Variants in CFDP1 observed in about 807,000 individuals in gnomAD.
CFDP1 encodes heterochromatin-stabilizing protein CFDP1.
In CFDP1, 31 loss-of-function variants were observed where a neutral mutation model predicts 40.1. The observed-to-expected ratio is 0.77, with a 90% confidence interval of 0.58 to 1.04. The LOEUF is 1.04. Among genes scored for constraint, CFDP1 ranks in the 50% least tolerant of loss-of-function variants. The probability of loss-of-function intolerance (pLI) is 0.00; values close to 1 mark genes in which losing one functional copy is unlikely to be tolerated. For synonymous variants in CFDP1, 167 were observed against 120.0 expected, an observed-to-expected ratio of 1.39 and a Z score of -2.56; for missense variants, 423 against 343.4, an observed-to-expected ratio of 1.23 and a Z score of -1.83.
intron 5 of CFDP1, among the ~76,000 whole-genome samples, chr16:75,307,475 C>G (rs988525687): frequency 2.0e-5 from 3 of 152,168 alleles, no homozygotes; most frequent in African/African-American, 4.8e-5. Context: ...CCTCGGCCCC[C>G]CAAAGTGCTG....
intron 5 of CFDP1, among the ~76,000 whole-genome samples, chr16:75,309,090 C>T (rs1318350295): frequency 1.3e-5 from 2 of 152,130 alleles, no homozygotes; most frequent in Non-Finnish European, 2.9e-5. Context: ...TAGCAGCAGC[C>T]AGAACACACA....
At position 75,412,697 on chromosome 16, in the gene CFDP1, T is replaced by C; in HGVS notation, c.240A>G (p.Ser80=). The part of the protein sequence containing the change: ...LEEEEEEDAN[S]ESEGSSSEEE... The stretch of plus-strand genomic sequence containing the variant: ...CCTCACTACTGCTTCCCTCAGATTC[T>C]GAATTGGCATCCTCCTCTTCCTCTT... Residue 80 remains serine, a synonymous_variant, in exon 3 of 7, where the codon TCA becomes TCG. Coordinates refer to ENST00000283882, the MANE Select transcript of CFDP1 (RefSeq NM_006324.3). 2.5e-6 allele frequency: 4 copies of C among 1,614,140 alleles called. No homozygotes were observed. The highest frequency in any genetic ancestry group is 3.4e-6 in the Non-Finnish European group (4 of 1,180,044).
At chr16:75,423,134 A>G (rs187548915) in intron 1 of CFDP1, among the ~76,000 whole-genome samples, 1,878 of 152,004 alleles carry the variant, frequency 0.012, 34 homozygotes, top group African/African-American at 0.043. Context: ...CAAAAAAATT[A>G]GCCGGGCCTT....
At chr16:75,332,413 A>G (rs958231706) in intron 5 of CFDP1, among the ~76,000 whole-genome samples, 1 of 152,058 alleles carries the variant, frequency 6.6e-6, no homozygotes, top group South Asian at 2.1e-4. Context: ...TGCAGTGAGC[A>G]GAGATTGTGC....
chr16:75,349,307 C>G (rs1165666045), intron 5 of CFDP1, among the ~76,000 whole-genome samples: 1 of 151,722 alleles, frequency 6.6e-6, no homozygotes, highest in East Asian at 1.9e-4. Context: ...GAGGGCAGTT[C>G]AGGACCAGCC....
chr16:75,360,411 G>A (rs938626160), intron 5 of CFDP1, among the ~76,000 whole-genome samples: 1 of 152,204 alleles, frequency 6.6e-6, no homozygotes, highest in Admixed American at 6.5e-5. Flanking sequence ...GACAATCTGA[G>A]CTTCAAAAAG....
At chr16:75,297,146 T>TGTGTG (rs1491503380) in intron 6 of CFDP1, among the ~76,000 whole-genome samples, 8,521 of 132,778 alleles carry the variant, frequency 0.064, 701 homozygotes, top group Admixed American at 0.081. Flanking sequence ...TTCCCATTTC[T>TGTGTG]TGTGTGTGTG....
intron 5 of CFDP1, among the ~76,000 whole-genome samples, chr16:75,353,418 G>A (rs544785389): frequency 2.4e-4 from 37 of 151,808 alleles, no homozygotes; most frequent in African/African-American, 8.7e-4. Context: ...CCTGAAATTT[G>A]CTTCAAAATC....
intron 4 of CFDP1, among the ~76,000 whole-genome samples, chr16:75,397,160 C>T (rs1432252057): frequency 6.6e-6 from 1 of 151,688 alleles, no homozygotes; most frequent in Non-Finnish European, 1.5e-5. Context: ...GTGATCTGCC[C>T]GCCTTGGCCT....
At position 75,299,424 on chromosome 16, in the gene CFDP1, T is replaced by TAAAAA. The variant is rs55975805; in HGVS notation, c.810-5387_810-5383dup. Among the ~76,000 whole-genome samples, 1,370 of 143,378 alleles carry TAAAAA rather than the reference T, an allele frequency of 9.6e-3. 14 individuals carry two copies. The highest frequency in any genetic ancestry group is 0.031 in the African/African-American group (1,202 of 38,952). The allele number at this position is 143,378 out of a possible 152,430, so 94.1% of individuals were successfully genotyped here. A position where few individuals can be genotyped will look rare whatever the true frequency, so the allele number is the denominator to read the frequency against. On this transcript the variant is annotated intron_variant, in intron 6 of 6. Coordinates refer to ENST00000283882, the MANE Select transcript of CFDP1 (RefSeq NM_006324.3). ...AACACGGTGAAACCCCATCTCTACT[T>TAAAAA]AAAAAAAAAAAATACAAAAAATTAG...
At chr16:75,367,980 C>T (rs1168326861) in intron 5 of CFDP1, among the ~76,000 whole-genome samples, 1 of 151,856 alleles carries the variant, frequency 6.6e-6, no homozygotes, top group Non-Finnish European at 1.5e-5. Context: ...TGGTGGACAC[C>T]TGTAATCCCA....
chr16:75,319,299 C>G (rs1284757315), intron 5 of CFDP1, among the ~76,000 whole-genome samples: 1 of 152,180 alleles, frequency 6.6e-6, no homozygotes, highest in Non-Finnish European at 1.5e-5. Context: ...ACCTCGGCCT[C>G]CCAAAGTGCT....
At chr16:75,360,233 C>G (rs899410798) in intron 5 of CFDP1, among the ~76,000 whole-genome samples, 1 of 151,338 alleles carries the variant, frequency 6.6e-6, no homozygotes, top group Non-Finnish European at 1.5e-5. Flanking sequence ...CTAAAGGAAC[C>G]AGGAACCTAG....
At chr16:75,411,341 G>T (rs2079160929) in intron 4 of CFDP1, among the ~76,000 whole-genome samples, 1 of 152,192 alleles carries the variant, frequency 6.6e-6, no homozygotes, top group Non-Finnish European at 1.5e-5. Context: ...GACCCGGGAG[G>T]CAGAGGTTGC....
chr16:75,331,427 A>T (rs529746617), intron 5 of CFDP1, among the ~76,000 whole-genome samples: 13 of 152,304 alleles, frequency 8.5e-5, no homozygotes, highest in African/African-American at 3.1e-4. Context: ...TGAAATGCAC[A>T]GATTAAAGGT....
At chr16:75,341,330 C>G (rs1294923693) in intron 5 of CFDP1, among the ~76,000 whole-genome samples, 2 of 152,162 alleles carry the variant, frequency 1.3e-5, no homozygotes, top group Non-Finnish European at 2.9e-5. Flanking sequence ...CCTACTATTC[C>G]TAGTCCACAG....
intron 1 of CFDP1, among the ~76,000 whole-genome samples, chr16:75,417,957 A>G (rs1222839150): frequency 6.6e-6 from 1 of 152,148 alleles, no homozygotes; most frequent in Non-Finnish European, 1.5e-5. Context: ...ACACAATTAT[A>G]AAATCAAAGA....
chr16:75,431,454 C>CAAAAAAAAAAAAAAAA (rs60902612), intron 1 of CFDP1, among the ~76,000 whole-genome samples: 4 of 59,600 alleles, frequency 6.7e-5, no homozygotes, highest in Admixed American at 2.8e-4. Flanking sequence ...ACTCTTGTCT[C>CAAAAAAAAAAAAAAAA]AAAAAAAAAA....
chr16:75,350,132 T>G (rs771489683), intron 5 of CFDP1, among the ~76,000 whole-genome samples: 7 of 152,222 alleles, frequency 4.6e-5, no homozygotes, highest in Non-Finnish European at 1.0e-4. Flanking sequence ...TACATTTTGT[T>G]CATCTGTGTT....
Sources: allele counts gnomAD v4.1 joint callset (sites outside exome capture counted in the v4.1 genomes callset), GRCh38; gene constraint gnomAD v4.1.1; transcripts MANE v1.5; gene names NCBI Gene and HGNC (gene_info 2026-07-23, HGNC 2026-07-21).